HACL2: variants seen among roughly 807,000 people sequenced by gnomAD.
The protein encoded by HACL2 is 2-hydroxyacyl-CoA lyase 1 like.
the HACL2 span, chr19:15,116,324 G>A: frequency 6.2e-7 from 1 of 1,613,970 alleles, no homozygotes; most frequent in East Asian, 2.2e-5. Flanking sequence ...CCTTCTCCCT[G>A]CGACAGGACA....
At chr19:15,119,283 C>T in the HACL2 span, 18 of 1,606,806 alleles carry the variant, frequency 1.1e-5, no homozygotes, top group Non-Finnish European at 1.5e-5. Flanking sequence ...CAGGGAACAC[C>T]CAAGGTCTCC....
At chr19:15,118,054 ATGTCG>A in the HACL2 span, 1 of 1,612,562 alleles carries the variant, frequency 6.2e-7, no homozygotes, top group Non-Finnish European at 8.5e-7. Context: ...CAGAGGCCCC[ATGTCG>A]TCTACCTTAC....
chr19:15,117,880 C>T, the HACL2 span: 2 of 1,613,974 alleles, frequency 1.2e-6, no homozygotes, highest in African/African-American at 1.3e-5. Context: ...AAGGGGCTCA[C>T]CCTGCACAGC....
chr19:15,119,427 T>C, the HACL2 span: 8 of 1,613,990 alleles, frequency 5.0e-6, no homozygotes, highest in Middle Eastern at 1.6e-4. Context: ...CCGAAGCTTG[T>C]CGGCAGACGT....
chr19:15,120,213 C>T, the HACL2 span: 1 of 585,470 alleles, frequency 1.7e-6, no homozygotes, highest in South Asian at 2.0e-5. Flanking sequence ...GGATGAGTGA[C>T]ACCTCAGGGA....
chr19:15,122,054 C>G, the HACL2 span, among the ~76,000 whole-genome samples: 1 of 150,014 alleles, frequency 6.7e-6, no homozygotes, highest in African/African-American at 2.5e-5. This position sits in a 1 kb window ranked among gnomAD's most constrained non-coding sequence, Gnocchi z 4.0. Context: ...CCCGCCACCA[C>G]GCCCGGCTAA....
the HACL2 span, chr19:15,117,788 T>A: frequency 3.4e-6 from 5 of 1,492,528 alleles, no homozygotes; most frequent in Non-Finnish European, 4.6e-6. Context: ...TGGGCCTCAA[T>A]CACTGTACCA....
chr19:15,115,850 CT>C, the HACL2 span: 1 of 1,613,964 alleles, frequency 6.2e-7, no homozygotes, highest in South Asian at 1.1e-5. Context: ...GCCCAGTCAC[CT>C]TGTGTCTGAC....
chr19:15,120,127 C>G, the HACL2 span: 3 of 1,227,680 alleles, frequency 2.4e-6, no homozygotes, highest in African/African-American at 4.5e-5. Context: ...AATTAACTAA[C>G]TACAAGGATT....
chr19:15,119,170 T>G, the HACL2 span: 1 of 1,564,176 alleles, frequency 6.4e-7, no homozygotes, highest in Non-Finnish European at 8.7e-7. Flanking sequence ...GCCCACCTGC[T>G]AGGACAATGA....
chr19:15,115,058 G>C, the HACL2 span: 1 of 660,914 alleles, frequency 1.5e-6, no homozygotes, highest in East Asian at 2.7e-5. Context: ...GCACAGTTGG[G>C]TCCGTGAAGA....
At chr19:15,122,631 G>A in the HACL2 span, 1 of 1,382,048 alleles carries the variant, frequency 7.2e-7, no homozygotes, top group Non-Finnish European at 1.0e-6. This position sits in a 1 kb window ranked among gnomAD's most constrained non-coding sequence, Gnocchi z 4.0. Flanking sequence ...ATGGGTGTGG[G>A]CTGGAAGCTG....
the HACL2 span, chr19:15,125,044 C>T: frequency 1.3e-6 from 2 of 1,554,758 alleles, no homozygotes; most frequent in Non-Finnish European, 1.7e-6. Flanking sequence ...GGGGCGGCGG[C>T]CGCGGGGGTC....
chr19:15,122,766 G>A, the HACL2 span: 7 of 1,614,102 alleles, frequency 4.3e-6, no homozygotes, highest in African/African-American at 9.3e-5. This position sits in a 1 kb window ranked among gnomAD's most constrained non-coding sequence, Gnocchi z 4.0. Context: ...ATGAAGTAGG[G>A]GTACAGCACG....
the HACL2 span, chr19:15,117,757 G>A: frequency 4.0e-6 from 4 of 1,011,434 alleles, no homozygotes; most frequent in Non-Finnish European, 5.9e-6. Context: ...CTGGTTGACT[G>A]GCTACCCCTA....
chr19:15,119,084 T>TTCC, the HACL2 span: 18 of 1,462,464 alleles, frequency 1.2e-5, no homozygotes, highest in Non-Finnish European at 1.6e-5. Flanking sequence ...CCACTAGACC[T>TTCC]TCCTCCTCCT....
chr19:15,117,666 G>A, the HACL2 span: 54 of 477,884 alleles, frequency 1.1e-4, no homozygotes, highest in Admixed American at 8.7e-4. Flanking sequence ...GTGACAGAGC[G>A]AGACCTCGTC....
chr19:15,115,545 A>C, the HACL2 span: 3 of 1,608,072 alleles, frequency 1.9e-6, no homozygotes, highest in African/African-American at 4.0e-5. Flanking sequence ...TGTCCTCCCA[A>C]CCTCGCTGAG....
At chr19:15,118,266 C>T in the HACL2 span, among the ~76,000 whole-genome samples, 1 of 152,214 alleles carries the variant, frequency 6.6e-6, no homozygotes, top group Non-Finnish European at 1.5e-5. Context: ...TCCCACCCTA[C>T]ATCCATTTGT....
Sources: gnomAD v4.1 joint callset for allele counts (sites outside exome capture counted in the v4.1 genomes callset) on GRCh38, gnomAD v4.1.1 for gene constraint, Gnocchi (gnomAD v3.1) non-coding constraint, MANE v1.5 for transcripts, NCBI Gene and HGNC (gene_info 2026-07-23, HGNC 2026-07-21) for gene names.